Variants in MAGI3 observed in about 807,000 individuals in gnomAD.
MAGI3 encodes the protein membrane-associated guanylate kinase, WW and PDZ domain-containing protein 3.
A neutral mutation model predicts 121.8 loss-of-function variants in MAGI3; 43 were observed. That is an observed-to-expected ratio of 0.35 (90% CI 0.28 to 0.46). The LOEUF (loss-of-function observed/expected upper bound fraction) is 0.46, where lower values mean the gene tolerates loss of function less well. Ranked by LOEUF, MAGI3 falls within the 20% of genes least tolerant of loss-of-function variation. The pLI is 1.00. For synonymous variants in MAGI3, 553 were observed against 639.3 expected, an observed-to-expected ratio of 0.86 and a Z score of 2.04; for missense variants, 1,547 against 1,797.3, an observed-to-expected ratio of 0.86 and a Z score of 2.52.
At chr1:113,485,488 C>A (rs1190999959) in intron 1 of MAGI3, among the ~76,000 whole-genome samples, 2 of 152,040 alleles carry the variant, frequency 1.3e-5, no homozygotes, top group South Asian at 2.1e-4. Flanking sequence ...TGTCCTTAGC[C>A]CACTTTTTTT....
chr1:113,678,953 T>A (rs540689014), intron 19 of MAGI3, among the ~76,000 whole-genome samples: 1 of 152,340 alleles, frequency 6.6e-6, no homozygotes, highest in Non-Finnish European at 1.5e-5. Context: ...TAGCTTCAAC[T>A]CAAAGGAACT....
In MAGI3 at chr1:113,416,030, C is replaced by T. The variant is rs868822358; in HGVS notation, c.316+24681C>T. On this transcript the variant is annotated intron_variant, in intron 1 of 20. Transcript: ENST00000307546. The stretch of plus-strand genomic sequence containing the variant: ...CATATATTAATTATGTAATTAATGA[C>T]ACATATTAATTATGTAATTAATGAC... 2.0e-4 allele frequency among the ~76,000 whole-genome samples: 30 copies of T among 148,404 alleles called. 1 individual carries two copies. In the South Asian group the frequency reaches 3.7e-3, roughly 18 times the overall value.
At chr1:113,520,603 TTTC>T (rs761358534) in intron 1 of MAGI3, among the ~76,000 whole-genome samples, 24 of 152,238 alleles carry the variant, frequency 1.6e-4, no homozygotes, top group Admixed American at 3.3e-4. Context: ...TCTTACTTTC[TTTC>T]TTCTTCTTTT....
At chr1:113,552,669 A>G (rs1220412392) in intron 2 of MAGI3, among the ~76,000 whole-genome samples, 1 of 151,916 alleles carries the variant, frequency 6.6e-6, no homozygotes, top group Non-Finnish European at 1.5e-5. Flanking sequence ...TGAGGTTTTT[A>G]TCCTAGAAGG....
rs760542376 is a variant in MAGI3, at chr1:113,681,161, T to G, written c.3190-37T>G. On this transcript the variant is annotated intron_variant, in intron 19 of 20. Transcript: ENST00000307546. Reference sequence around the variant, plus strand: ...AAAAGCAGAATTTACAAAGGATGCATAGTTTCATGTTGTTCCTGTGAATGT... The same window carrying G: ...AAAAGCAGAATTTACAAAGGATGCAGAGTTTCATGTTGTTCCTGTGAATGT... The G allele has an allele frequency of 4.4e-6, 7 of 1,597,624 alleles. No individual in the cohort carries two copies. In the Admixed American group the frequency reaches 5.4e-5, roughly 12 times the overall value.
At chr1:113,398,755 A>G (rs1319032090) in intron 1 of MAGI3, among the ~76,000 whole-genome samples, 1 of 152,170 alleles carries the variant, frequency 6.6e-6, no homozygotes, top group Non-Finnish European at 1.5e-5. Flanking sequence ...AAATAGAATT[A>G]AGCTAAATTG....
At chr1:113,414,484 T>A (rs1347035168) in intron 1 of MAGI3, among the ~76,000 whole-genome samples, 1 of 152,160 alleles carries the variant, frequency 6.6e-6, no homozygotes, top group Non-Finnish European at 1.5e-5. Context: ...CTGTTAGAAT[T>A]TGGCTGTGAA....
chr1:113,580,157 T>C (rs759588485), intron 2 of MAGI3, among the ~76,000 whole-genome samples: 1 of 152,200 alleles, frequency 6.6e-6, no homozygotes, highest in Non-Finnish European at 1.5e-5. Context: ...TTAAGCCTTT[T>C]ATTCACATAT....
Position 113,683,741 on chromosome 1 carries a change from A to T in MAGI3, c.4173A>T (p.Gly1391=). 6.2e-7 allele frequency: 1 copy of T among 1,601,302 alleles called. No individual in the cohort carries two copies. Among genetic ancestry groups the T allele is most frequent in the Non-Finnish European group, 8.5e-7 (1 of 1,173,470 alleles). Residue 1391 remains glycine (G), a synonymous_variant, in exon 21 of 21, where the codon GGA becomes GGT. Transcript: ENST00000307546. ...AAAAAGGAAAGAAAGTAACCACAGG[A>T]GAAACAAGTTCTAGTAACGATAAAA... ...ENEKGKKVTT[G]ETSSSNDKIG... is the part of the protein sequence containing the mutation.
At chr1:113,503,309 GAA>G (rs59331456) in intron 1 of MAGI3, among the ~76,000 whole-genome samples, 2,920 of 35,166 alleles carry the variant, frequency 0.083, no homozygotes, top group South Asian at 0.27. Flanking sequence ...CCTGTCTCAG[GAA>G]AAAAAAAAAA....
At chr1:113,440,365 C>T (rs1653850343) in intron 1 of MAGI3, among the ~76,000 whole-genome samples, 1 of 152,174 alleles carries the variant, frequency 6.6e-6, no homozygotes, top group South Asian at 2.1e-4. Context: ...AGATAGTCTT[C>T]AATGACTTAA....
intron 1 of MAGI3, among the ~76,000 whole-genome samples, chr1:113,541,775 T>C (rs1406910895): frequency 2.0e-5 from 3 of 152,168 alleles, no homozygotes; most frequent in Admixed American, 1.3e-4. Context: ...CCTGAGTTAG[T>C]GGATGTTCTT....
chr1:113,613,129 A>G (rs1255357214), intron 6 of MAGI3, among the ~76,000 whole-genome samples: 1 of 152,218 alleles, frequency 6.6e-6, no homozygotes, highest in Non-Finnish European at 1.5e-5. Flanking sequence ...TGGCGATAAA[A>G]TATTATATCT....
chr1:113,666,565 C>G (rs1282036382), intron 16 of MAGI3, among the ~76,000 whole-genome samples: 2 of 152,224 alleles, frequency 1.3e-5, no homozygotes, highest in Non-Finnish European at 2.9e-5. Flanking sequence ...TCTACCACAT[C>G]TGCAGTTACT....
At chr1:113,482,721 G>A (rs146127194) in intron 1 of MAGI3, among the ~76,000 whole-genome samples, 23 of 146,210 alleles carry the variant, frequency 1.6e-4, no homozygotes, top group Admixed American at 1.3e-3. Context: ...TATGGAAAAT[G>A]TAAGTATATT....
chr1:113,674,572 CTT>C (rs750538476), intron 19 of MAGI3, among the ~76,000 whole-genome samples: 1 of 147,092 alleles, frequency 6.8e-6, no homozygotes, highest in Non-Finnish European at 1.5e-5. Context: ...AGAAAAGGAA[CTT>C]TTTTTTTTTA....
chr1:113,435,324 A>G (rs938210775), intron 1 of MAGI3, among the ~76,000 whole-genome samples: 1 of 152,150 alleles, frequency 6.6e-6, no homozygotes, highest in African/African-American at 2.4e-5. Context: ...TTAAATGGCT[A>G]CATGAATTCT....
chr1:113,436,300 C>T (rs769514343), intron 1 of MAGI3, among the ~76,000 whole-genome samples: 20 of 152,032 alleles, frequency 1.3e-4, no homozygotes, highest in Non-Finnish European at 2.5e-4. Flanking sequence ...TGCCTTCTCT[C>T]TCTCTCTATA....
chr1:113,543,768 T>C (rs772973296), intron 1 of MAGI3, among the ~76,000 whole-genome samples: 3 of 151,402 alleles, frequency 2.0e-5, no homozygotes, highest in Non-Finnish European at 4.4e-5. Flanking sequence ...CTTGGGAGGC[T>C]GAGGTGGGAG....
Sources: gnomAD v4.1 joint callset for allele counts (sites outside exome capture counted in the v4.1 genomes callset) on GRCh38, gnomAD v4.1.1 for gene constraint, MANE v1.5 for transcripts, NCBI Gene and HGNC (gene_info 2026-07-23, HGNC 2026-07-21) for gene names.